ZNF3: variants seen among roughly 807,000 people sequenced by gnomAD.
The protein encoded by ZNF3 is C2-H2 type zinc finger protein.
In ZNF3, 16 loss-of-function variants were observed where a neutral mutation model predicts 36.9. The ratio of observed to expected loss-of-function variants is 0.43; its 90% CI spans 0.29 to 0.66. ZNF3 has a LOEUF of 0.66. Among genes scored for constraint, ZNF3 ranks in the 30% least tolerant of loss-of-function variants. ZNF3 has a pLI of 0.13. For synonymous variants in ZNF3, 201 were observed against 201.9 expected (o/e 1.00, Z 0.04); for missense variants, 462 against 543.1 (o/e 0.85, Z 1.48).
In ZNF3 at chr7:100,070,580, AGAT is replaced by A. The variant is rs3839703; in HGVS notation, c.*560_*562del. 8.3e-4 allele frequency: 821 copies of A among 986,774 alleles called. 17 individuals are homozygous for A. In the East Asian group the frequency reaches 0.035, roughly 42 times the overall value. The allele number at this position is 986,774 out of a possible 1,614,324, so 61.1% of individuals were successfully genotyped here. ...GAGCCCTAAAGGACACCATCATCAC[AGAT>A]GATGATTCTGGAATCTCTTCTACCC... On this transcript the variant is annotated 3_prime_UTR_variant, in exon 6 of 6. Coordinates refer to ENST00000299667, the MANE Select transcript of ZNF3 (RefSeq NM_032924.5).
intron 5 of ZNF3, 132 bp downstream of exon 5, chr7:100,075,003 G>T: frequency 2.6e-6 from 3 of 1,166,808 alleles, no homozygotes; most frequent in Non-Finnish European, 3.6e-6. Context: ...GTTGCACTGA[G>T]CAAAGATTGT....
At chr7:100,066,457 C>T (rs1374657070), downstream of ZNF3, among the ~76,000 whole-genome samples, 2 of 151,790 alleles carry the variant, frequency 1.3e-5, no homozygotes, top group African/African-American at 2.4e-5. Context: ...TAAGGCCGAG[C>T]GTGGTGGCTC....
At chr7:100,074,870 C>T (rs1793806417) in intron 5 of ZNF3, among the ~76,000 whole-genome samples, 1 of 151,864 alleles carries the variant, frequency 6.6e-6, no homozygotes, top group Non-Finnish European at 1.5e-5. Flanking sequence ...CCCGTCTCTA[C>T]TAAAACAAAA....
chr7:100,077,003 G>A (rs777364421), intron 3 of ZNF3: 5 of 228,618 alleles, frequency 2.2e-5, no homozygotes, highest in Non-Finnish European at 3.6e-5. Flanking sequence ...CCCAGGAGGC[G>A]GAGGTTGCAG....
At position 100,081,451 on chromosome 7, in the gene ZNF3, G is replaced by T. The variant is rs967622020; in HGVS notation, c.-198+184C>A. Among the ~76,000 whole-genome samples, 1 of 152,224 alleles carries T rather than the reference G, an allele frequency of 6.6e-6. No individual in the cohort carries two copies. The highest frequency in any genetic ancestry group is 1.5e-5 in the Non-Finnish European group (1 of 68,036). ...CTAACCCCTACGCAGGATCCCGCTA[G>T]GCTAGGGGGATCCCTGGGGAAGCGG... On this transcript the variant is annotated intron_variant, in intron 1 of 5. Transcript: ENST00000299667. The surrounding 1 kb of genome is among the most constrained non-coding windows in gnomAD (Gnocchi z 4.3).
downstream of ZNF3, among the ~76,000 whole-genome samples, chr7:100,069,241 A>G (rs1027882092): frequency 6.6e-6 from 1 of 152,062 alleles, no homozygotes; most frequent in Non-Finnish European, 1.5e-5. Flanking sequence ...TATAAGCATG[A>G]GCCACTGTAC....
chr7:100,064,675 A>G (rs779291015), exon 6 of ZNF3: 1 of 1,603,610 alleles, frequency 6.2e-7, no homozygotes, highest in Non-Finnish European at 8.5e-7. Context: ...AAAACCAGAA[A>G]GAAGTCTTGT....
chr7:100,073,921 C>T (rs1391750167), intron 5 of ZNF3, among the ~76,000 whole-genome samples: 3 of 151,830 alleles, frequency 2.0e-5, no homozygotes, highest in East Asian at 2.0e-4. Flanking sequence ...TTTGGGAGGC[C>T]GAGGCAGGTG....
At chr7:100,080,819 T>TA (rs1162531319) in intron 1 of ZNF3, among the ~76,000 whole-genome samples, 2 of 152,144 alleles carry the variant, frequency 1.3e-5, no homozygotes, top group Non-Finnish European at 2.9e-5. Flanking sequence ...TTAATTTTTT[T>TA]AAAAAAAGAG....
In ZNF3 at chr7:100,071,902, G is replaced by A. The variant is rs189904128; in HGVS notation, c.582C>T (p.Pro194=). 5.1e-5 allele frequency: 83 copies of A among 1,614,192 alleles called. No individual in the cohort carries two copies. Among genetic ancestry groups the A allele is most frequent in the African/African-American group, 1.6e-4 (12 of 75,050 alleles). Reference sequence around the variant, plus strand: ...CACACTTATGGGGTCTGTCTCCCACGGGGAGTCTCTGATGTGAGATAAGGT... The same window carrying A: ...CACACTTATGGGGTCTGTCTCCCACAGGGAGTCTCTGATGTGAGATAAGGT... ...NSNLISHQRL[P]VGDRPHKCDE... The change falls in exon 6 of 6, where the codon CCC becomes CCT. Residue 194 remains proline, a synonymous_variant. Transcript: ENST00000299667.
chr7:100,067,347 C>T (rs945564598), downstream of ZNF3, among the ~76,000 whole-genome samples: 2 of 152,154 alleles, frequency 1.3e-5, no homozygotes, highest in Non-Finnish European at 2.9e-5. Context: ...TTTTAACACA[C>T]GCTGAGTCTG....
rs1182369833 is a variant in ZNF3 at position 100,081,258 on chromosome 7, G to A, written c.-198+377C>T. On this transcript the variant is annotated intron_variant, in intron 1 of 5. Transcript: ENST00000299667. This position sits in a 1 kb window ranked among gnomAD's most constrained non-coding sequence, Gnocchi z 4.3. ...AAACTTCCTCTCCTGCCACGGGCGC[G>A]AATAACTGTGTTAACATCAAATAAA... Among the ~76,000 whole-genome samples, 1 of 152,178 alleles carries A rather than the reference G, an allele frequency of 6.6e-6. No individual in the cohort carries two copies. Among genetic ancestry groups the A allele is most frequent in the Non-Finnish European group, 1.5e-5 (1 of 68,032 alleles).
In ZNF3 at chr7:100,071,203, G is replaced by T; in HGVS notation, c.1281C>A (p.Ile427=). The part of the protein sequence containing the change: ...IHTGEKPLNG[I]GMSKSSLRVT... ...CTCTGAGGGAGCTTTTGCTCATGCCGATCCCATTCAAAGGCTTCTCTCCAG... is the reference window on the plus strand; with the variant it reads ...CTCTGAGGGAGCTTTTGCTCATGCCTATCCCATTCAAAGGCTTCTCTCCAG... Residue 427 remains isoleucine (I), a synonymous_variant, in exon 6 of 6, where the codon ATC becomes ATA. Transcript: ENST00000299667. 1 of 1,613,676 alleles carries T rather than the reference G, an allele frequency of 6.2e-7. No individual in the cohort carries two copies. Among genetic ancestry groups the T allele is most frequent in the African/African-American group, 1.3e-5 (1 of 75,052 alleles).
chr7:100,068,373 T>C (rs1007020774), downstream of ZNF3, among the ~76,000 whole-genome samples: 1 of 151,074 alleles, frequency 6.6e-6, no homozygotes. Context: ...AGAACACAGA[T>C]TTAAAATTTA....
chr7:100,064,404 C>T (rs1190603184), exon 6 of ZNF3: 2 of 1,610,220 alleles, frequency 1.2e-6, no homozygotes, highest in Admixed American at 3.4e-5. Flanking sequence ...ATGCGGGCCT[C>T]AGCTCCCACC....
At chr7:100,067,134 C>T (rs1459335015), downstream of ZNF3, among the ~76,000 whole-genome samples, 1 of 152,240 alleles carries the variant, frequency 6.6e-6, no homozygotes, top group Non-Finnish European at 1.5e-5. Context: ...CGCCTGGCCT[C>T]TGTTGACCAG....
chr7:100,070,040 AAC>A lies in ZNF3; in HGVS notation c.*1101_*1102del. On this transcript the variant is annotated 3_prime_UTR_variant, in exon 6 of 6. Coordinates refer to ENST00000299667, the MANE Select transcript of ZNF3 (RefSeq NM_032924.5). ...GCTACAGGATGAGCAGGGTTGGGAA[AAC>A]ACAATGGAAGGTCATCCCGTCGGTT... 1.0e-6 allele frequency: 1 copy of A among 985,902 alleles called. No individual in the cohort carries two copies. The highest frequency in any genetic ancestry group is 1.2e-6 in the Non-Finnish European group (1 of 829,952). The allele number at this position is 985,902 out of a possible 1,614,324, so 61.1% of individuals were successfully genotyped here.
chr7:100,078,911 G>GA lies in ZNF3; in HGVS notation c.-77+624dup, dbSNP rs1277313858. 3 of 152,174 alleles carry GA rather than the reference G, an allele frequency of 2.0e-5. No individual in the cohort carries two copies. In the East Asian group the frequency reaches 5.8e-4, roughly 29 times the overall value. 9.4% of individuals were successfully genotyped at this position (152,174 alleles called of 1,614,324 possible). A position where few individuals can be genotyped will look rare whatever the true frequency, so the allele number is the denominator to read the frequency against. The stretch of plus-strand genomic sequence containing the variant: ...ATCAAAGGAAGAGGAATGGATAAGA[G>GA]AATGTTTGAGAGAATAAAAGAAAAA... On this transcript the variant is annotated intron_variant, in intron 2 of 5. Transcript: ENST00000299667.
At position 100,070,921 on chromosome 7, in the gene ZNF3, C is replaced by G; in HGVS notation, c.*222G>C. 1.5e-6 allele frequency: 2 copies of G among 1,346,968 alleles called. No homozygotes were observed. The highest frequency in any genetic ancestry group is 2.8e-5 in the East Asian group (1 of 35,892). The allele number at this position is 1,346,968 out of a possible 1,614,324, so 83.4% of individuals were successfully genotyped here. ...TCCTTTCCTAAATGGGGTAACTGGT[C>G]CCAGAGCTGCTTTCTATTCCCAGCA... On this transcript the variant is annotated 3_prime_UTR_variant, in exon 6 of 6. Coordinates refer to ENST00000299667, the MANE Select transcript of ZNF3 (RefSeq NM_032924.5).
Sources: gnomAD v4.1 joint callset for allele counts (sites outside exome capture counted in the v4.1 genomes callset) on GRCh38, gnomAD v4.1.1 for gene constraint, Gnocchi (gnomAD v3.1) non-coding constraint, MANE v1.5 for transcripts, NCBI Gene and HGNC (gene_info 2026-07-23, HGNC 2026-07-21) for gene names.